Variants in FAM107A observed in about 807,000 individuals in gnomAD.
FAM107A encodes family with sequence similarity 107 member A, also known as actin-associated protein FAM107A.
FAM107A carries 19 observed loss-of-function variants against 13.7 expected under a neutral mutation model. The observed-to-expected ratio is 1.38, with a 90% CI of 0.97 to 2.03. The LOEUF (loss-of-function observed/expected upper bound fraction) is 2.03, where lower values mean the gene tolerates loss of function less well. Ranked by LOEUF, FAM107A falls within the 30% of genes most tolerant of loss-of-function variation. The probability of loss-of-function intolerance (pLI) is 0.00; values close to 1 mark genes in which losing one functional copy is unlikely to be tolerated. For synonymous variants in FAM107A, 82 were observed against 74.5 expected (o/e 1.10, Z -0.52); for missense variants, 203 against 184.4 (o/e 1.10, Z -0.58).
chr3:58,566,684 T>C lies in FAM107A; in HGVS notation c.339A>G (p.Pro113=). ...RQQRLNQLEK[P]PEKEEDHAPE... is the part of the protein sequence containing the mutation. ...GGGCGTGATCCTCTTCCTTCTCTGG[T>C]GGTTTTTCCAGCTGAAGGAGGGAGA... Residue 113 remains proline, a synonymous_variant, in exon 4 of 4, where the codon CCA becomes CCG. Coordinates refer to ENST00000360997, the MANE Select transcript of FAM107A (RefSeq NM_001076778.3). 2 of 1,613,470 alleles carry C rather than the reference T, an allele frequency of 1.2e-6. No homozygotes were observed. The highest frequency in any genetic ancestry group is 1.7e-6 in the Non-Finnish European group (2 of 1,179,528).
chr3:58,626,275 C>G (rs1405742469), intron 1 of FAM107A, among the ~76,000 whole-genome samples: 1 of 152,190 alleles, frequency 6.6e-6, no homozygotes, highest in East Asian at 1.9e-4. Flanking sequence ...CAAGCTCCCT[C>G]CTACTCCCCA....
chr3:58,595,197 A>C (rs1020306921), intron 1 of FAM107A, among the ~76,000 whole-genome samples: 17 of 151,382 alleles, frequency 1.1e-4, no homozygotes, highest in African/African-American at 3.4e-4. Context: ...TACCACCCCC[A>C]AAAATTTTCA....
Position 58,600,288 on chromosome 3 carries a change from G to A in FAM107A, c.-69-11019C>T, listed in dbSNP as rs561452271. ...ACTGTTTACCCCATTTTACAGACAA[G>A]GAGGTGAGGCCTCAGAGAAGACCTG... is the stretch of plus-strand genomic sequence containing the variant. On this transcript the variant is annotated intron_variant, in intron 1 of 3. Transcript: ENST00000465970. Among the ~76,000 whole-genome samples the A allele has an allele frequency of 1.5e-3, 235 of 152,286 alleles. 1 individual carries two copies. Among genetic ancestry groups the A allele is most frequent in the African/African-American group, 5.3e-3 (220 of 41,558 alleles).
rs908441783 is a variant in FAM107A at position 58,625,248 on chromosome 3, C to T, written c.-70+2168G>A. ...ACGGGATGGGAGGTCGCACGTGCCC[C>T]GTAGTGTGCCATCCCTTGATAACCT... On this transcript the variant is annotated intron_variant, in intron 1 of 3. Transcript: ENST00000465970. Among the ~76,000 whole-genome samples, 8 of 152,174 alleles carry T rather than the reference C, an allele frequency of 5.3e-5. No homozygotes were observed. The East Asian group carries it at 5.8e-4, about 11-fold the overall frequency.
At position 58,569,609 on chromosome 3, in the gene FAM107A, C is replaced by A; in HGVS notation, c.170+82G>T. ...AGGAGCCCCAGGATGAAAGCCAGCTCTGCTTTCCTCCAGGGTCACCTTCCC... is the reference window on the plus strand; with the variant it reads ...AGGAGCCCCAGGATGAAAGCCAGCTATGCTTTCCTCCAGGGTCACCTTCCC... On this transcript the variant is annotated intron_variant, in intron 2 of 3. Coordinates refer to ENST00000360997, the MANE Select transcript of FAM107A (RefSeq NM_001076778.3). This position sits in a 1 kb window ranked among gnomAD's most constrained non-coding sequence, Gnocchi z 5.7. The A allele has an allele frequency of 8.2e-7, 1 of 1,226,510 alleles. No homozygotes were observed. Among genetic ancestry groups the A allele is most frequent in the Non-Finnish European group, 1.1e-6 (1 of 878,366 alleles). The allele number at this position is 1,226,510 out of a possible 1,614,324, so 76.0% of individuals were successfully genotyped here.
chr3:58,619,901 T>A (rs1218470999), intron 1 of FAM107A, among the ~76,000 whole-genome samples: 1 of 151,946 alleles, frequency 6.6e-6, no homozygotes, highest in South Asian at 2.1e-4. Context: ...GTGGGGAATG[T>A]GAGAATTTGG....
rs2063655197 is a variant in FAM107A at position 58,569,183 on chromosome 3, C to T, written c.170+508G>A. 6.6e-6 allele frequency among the ~76,000 whole-genome samples: 1 copy of T among 152,212 alleles called. No homozygotes were observed. Among genetic ancestry groups the T allele is most frequent in the African/African-American group, 2.4e-5 (1 of 41,452 alleles). On this transcript the variant is annotated intron_variant, in intron 2 of 3. Transcript: ENST00000360997. This position sits in a 1 kb window ranked among gnomAD's most constrained non-coding sequence, Gnocchi z 5.7. ...TGAGGTTCCCTCTGCCATCCAGCAC[C>T]CACCTCCGGCCTGGCTAACTCCAGT...
intron 1 of FAM107A, among the ~76,000 whole-genome samples, chr3:58,603,200 A>C (rs1300706785): frequency 6.6e-6 from 1 of 152,176 alleles, no homozygotes; most frequent in Non-Finnish European, 1.5e-5. Flanking sequence ...TCCCCATACC[A>C]ACACTGTCCC....
intron 1 of FAM107A, among the ~76,000 whole-genome samples, chr3:58,607,526 G>A (rs1196176091): frequency 6.6e-6 from 1 of 152,152 alleles, no homozygotes; most frequent in African/African-American, 2.4e-5. Flanking sequence ...GCAAAGGTGA[G>A]GGTGTGTCAC....
intron 1 of FAM107A, among the ~76,000 whole-genome samples, chr3:58,593,376 T>C (rs2065670331): frequency 6.6e-6 from 1 of 152,210 alleles, no homozygotes; most frequent in African/African-American, 2.4e-5. Flanking sequence ...CTATCTGCTG[T>C]CTAGTCATAC....
At chr3:58,614,048 T>C (rs932478664) in intron 1 of FAM107A, among the ~76,000 whole-genome samples, 1 of 152,204 alleles carries the variant, frequency 6.6e-6, no homozygotes, top group African/African-American at 2.4e-5. Context: ...CTGGAAAAAC[T>C]GCCGCTGAAA....
chr3:58,572,755 T>C lies in FAM107A; in HGVS notation c.-5-2890A>G, dbSNP rs760011384. 3.9e-5 allele frequency: 6 copies of C among 152,074 alleles called. 1 individual carries two copies. Among genetic ancestry groups the C allele is most frequent in the Middle Eastern group, 6.4e-3 (2 of 314 alleles). 9.4% of individuals were successfully genotyped at this position (152,074 alleles called of 1,614,324 possible). A position where few individuals can be genotyped will look rare whatever the true frequency, so the allele number is the denominator to read the frequency against. ...CTTCTGTTAACTTCCAGGGGAAAAA[T>C]CTGTGATTGACCTGGCTGAGACCTT... On this transcript the variant is annotated intron_variant, in intron 1 of 3. Coordinates refer to ENST00000360997, the MANE Select transcript of FAM107A (RefSeq NM_001076778.3).
At chr3:58,579,875 A>G (rs1411479994), upstream of FAM107A, among the ~76,000 whole-genome samples, 2 of 152,158 alleles carry the variant, frequency 1.3e-5, no homozygotes, top group East Asian at 1.9e-4. Flanking sequence ...AACTCTTCTC[A>G]CAGTCCAACT....
chr3:58,624,295 A>G (rs1390802884), intron 1 of FAM107A, among the ~76,000 whole-genome samples: 1 of 152,214 alleles, frequency 6.6e-6, no homozygotes, highest in African/African-American at 2.4e-5. Flanking sequence ...AAACCCTGAT[A>G]GAGGCCAGGG....
chr3:58,577,474 A>G (rs185623498), upstream of FAM107A: 124 of 985,404 alleles, frequency 1.3e-4, 1 homozygote, highest in South Asian at 2.1e-3. This position sits in a 1 kb window ranked among gnomAD's most constrained non-coding sequence, Gnocchi z 4.9. Context: ...CAGCCTTTGC[A>G]TTCCTGTTTA....
At chr3:58,571,803 T>A in intron 1 of FAM107A, among the ~76,000 whole-genome samples, 1 of 152,242 alleles carries the variant, frequency 6.6e-6, no homozygotes, top group African/African-American at 2.4e-5. Context: ...GTTCAGCTCA[T>A]GCCACACTTT....
At chr3:58,582,861 C>T (rs975694303) in intron 1 of FAM107A, among the ~76,000 whole-genome samples, 11 of 152,164 alleles carry the variant, frequency 7.2e-5, no homozygotes, top group African/African-American at 1.7e-4. Context: ...GGCAGTGGCA[C>T]GATTTCGGCT....
At chr3:58,626,662 T>C (rs979119878) in intron 1 of FAM107A, among the ~76,000 whole-genome samples, 5 of 152,178 alleles carry the variant, frequency 3.3e-5, no homozygotes, top group Non-Finnish European at 5.9e-5. Flanking sequence ...GACACTCTCC[T>C]GGGGTATGGG....
intron 2 of FAM107A, among the ~76,000 whole-genome samples, chr3:58,567,670 G>A (rs114843481): frequency 1.1e-3 from 169 of 152,270 alleles, no homozygotes; most frequent in African/African-American, 3.8e-3. Flanking sequence ...TTTCCTAAAG[G>A]TAGAATTGCT....
Sources: allele counts gnomAD v4.1 joint callset (sites outside exome capture counted in the v4.1 genomes callset), GRCh38; gene constraint gnomAD v4.1.1; non-coding constraint Gnocchi (gnomAD v3.1); transcripts MANE v1.5; gene names NCBI Gene and HGNC (gene_info 2026-07-23, HGNC 2026-07-21).